The following GTF2F2 variants were observed in gnomAD, a reference collection of about 807,000 sequenced individuals.
GTF2F2 encodes general transcription factor IIF subunit 2, also known as ATP-dependent helicase GTF2F2.
Under a neutral mutation model 42.2 loss-of-function variants are expected in GTF2F2, and 23 were observed. The ratio of observed to expected loss-of-function variants is 0.55; its 90% CI spans 0.39 to 0.77. The LOEUF is 0.77. Ranked by LOEUF, GTF2F2 falls within the 30% of genes least tolerant of loss-of-function variation. The pLI is 0.00. For synonymous variants in GTF2F2, 105 were observed against 100.8 expected, an observed-to-expected ratio of 1.04 and a Z score of -0.25; for missense variants, 261 against 287.2, an observed-to-expected ratio of 0.91 and a Z score of 0.66.
At chr13:45,210,618 T>C (rs1331012163) in intron 5 of GTF2F2, among the ~76,000 whole-genome samples, 4 of 152,232 alleles carry the variant, frequency 2.6e-5, no homozygotes, top group African/African-American at 9.6e-5. Flanking sequence ...CTTTATTTTT[T>C]GTGCATGTCG....
chr13:45,192,866 C>T (rs1872714943), intron 4 of GTF2F2: 1 of 152,094 alleles, frequency 6.6e-6, no homozygotes, highest in Non-Finnish European at 1.5e-5. Flanking sequence ...TGAAAATGAA[C>T]TCCTTTATTA....
chr13:45,148,130 T>C (rs1304928815), intron 2 of GTF2F2, among the ~76,000 whole-genome samples: 1 of 152,162 alleles, frequency 6.6e-6, no homozygotes, highest in East Asian at 1.9e-4. Flanking sequence ...TTAACTGAGC[T>C]AGTGAATGAA....
chr13:45,158,275 T>C (rs1870863176), intron 4 of GTF2F2, among the ~76,000 whole-genome samples: 1 of 152,212 alleles, frequency 6.6e-6, no homozygotes, highest in Non-Finnish European at 1.5e-5. Context: ...ATAAGGGGTT[T>C]CCCCTTTCAC....
intron 5 of GTF2F2, among the ~76,000 whole-genome samples, chr13:45,208,548 C>G (rs1873511255): frequency 6.6e-6 from 1 of 152,148 alleles, no homozygotes; most frequent in Admixed American, 6.5e-5. Flanking sequence ...CGTTCGTGGA[C>G]CTTCCATTGT....
At chr13:45,238,710 C>T (rs945181346) in intron 5 of GTF2F2, among the ~76,000 whole-genome samples, 14 of 151,332 alleles carry the variant, frequency 9.3e-5, no homozygotes, top group Admixed American at 7.9e-4. Flanking sequence ...TTTGGGAGGC[C>T]GAGGCAGGCG....
Position 45,120,543 on chromosome 13 carries a change from C to T in GTF2F2, c.-113C>T, listed in dbSNP as rs1283240717. Reference sequence around the variant, plus strand: ...CCAGTGTTCTGGCAGGTAAGGAACGCCGGCTCTTCGCCTCTCAGCGCGGCT... The same window carrying T: ...CCAGTGTTCTGGCAGGTAAGGAACGTCGGCTCTTCGCCTCTCAGCGCGGCT... On this transcript the variant is annotated 5_prime_UTR_variant, in exon 1 of 8. Transcript: ENST00000340473. 5 of 731,372 alleles carry T rather than the reference C, an allele frequency of 6.8e-6. No individual in the cohort carries two copies. The highest frequency in any genetic ancestry group is 5.4e-5 in the African/African-American group (3 of 56,068). The allele number at this position is 731,372 out of a possible 1,614,324, so 45.3% of individuals were successfully genotyped here.
At chr13:45,156,770 A>G (rs1870776125) in intron 4 of GTF2F2, among the ~76,000 whole-genome samples, 1 of 152,232 alleles carries the variant, frequency 6.6e-6, no homozygotes, top group Non-Finnish European at 1.5e-5. Flanking sequence ...ATTAGAAAAT[A>G]TTCAAAGAAA....
intron 4 of GTF2F2, among the ~76,000 whole-genome samples, chr13:45,178,545 T>C (rs1458466888): frequency 6.6e-6 from 1 of 151,944 alleles, no homozygotes; most frequent in African/African-American, 2.4e-5. Context: ...AGTCAAGGAA[T>C]CTAGTTTCAA....
chr13:45,193,875 A>G (rs1218538931), intron 4 of GTF2F2: 1 of 1,614,170 alleles, frequency 6.2e-7, no homozygotes, highest in East Asian at 2.2e-5. Context: ...CACACTTTAA[A>G]GCCATCATGA....
intron 4 of GTF2F2, among the ~76,000 whole-genome samples, chr13:45,155,088 A>G (rs949778883): frequency 4.6e-5 from 7 of 152,170 alleles, no homozygotes; most frequent in African/African-American, 1.7e-4. Flanking sequence ...TGTTAGATGT[A>G]TGTTGTATAT....
intron 6 of GTF2F2, among the ~76,000 whole-genome samples, chr13:45,261,016 T>C (rs1314215657): frequency 6.6e-6 from 1 of 152,146 alleles, no homozygotes; most frequent in Non-Finnish European, 1.5e-5. Context: ...ATCTCAGCTA[T>C]TCAAGAGGCT....
chr13:45,262,002 C>CAT (rs1184416625), intron 6 of GTF2F2, among the ~76,000 whole-genome samples: 1 of 152,090 alleles, frequency 6.6e-6, no homozygotes, highest in Non-Finnish European at 1.5e-5. Flanking sequence ...GATAATTACA[C>CAT]ATACACTGGA....
At chr13:45,257,115 G>A (rs769558530) in intron 6 of GTF2F2, among the ~76,000 whole-genome samples, 1 of 152,082 alleles carries the variant, frequency 6.6e-6, no homozygotes, top group Non-Finnish European at 1.5e-5. Flanking sequence ...TGTTCTTGGA[G>A]CTATTCTAAG....
chr13:45,120,734 A>G lies in GTF2F2; in HGVS notation c.66+13A>G, dbSNP rs1566105019. 6 of 1,543,600 alleles carry G rather than the reference A, an allele frequency of 3.9e-6. No individual in the cohort carries two copies. In the East Asian group the frequency reaches 7.3e-5, roughly 19 times the overall value. On this transcript the variant is annotated intron_variant, in intron 1 of 7. Transcript: ENST00000340473. ...GTGGCTAGTCAAGGTAATGTTCGCG[A>G]GTCTCCCACTTGCGCTCCTCCTAAC...
chr13:45,170,171 A>C (rs1461378814), intron 4 of GTF2F2, among the ~76,000 whole-genome samples: 7 of 152,120 alleles, frequency 4.6e-5, no homozygotes, highest in Non-Finnish European at 1.0e-4. Context: ...CTACAGGCAT[A>C]TACCACCACA....
At chr13:45,157,066 G>A (rs1870797030) in intron 4 of GTF2F2, among the ~76,000 whole-genome samples, 1 of 152,152 alleles carries the variant, frequency 6.6e-6, no homozygotes, top group Non-Finnish European at 1.5e-5. Context: ...GTATCAGGTT[G>A]GGGGTGGGAC....
In GTF2F2 at chr13:45,120,563, G is replaced by C; in HGVS notation, c.-93G>C. On this transcript the variant is annotated 5_prime_UTR_variant, in exon 1 of 8. Coordinates refer to ENST00000340473, the MANE Select transcript of GTF2F2 (RefSeq NM_004128.3). ...GAACGCCGGCTCTTCGCCTCTCAGC[G>C]CGGCTTGTCCTTTGTTCCGGACGCC... 1 of 864,500 alleles carries C rather than the reference G, an allele frequency of 1.2e-6. No homozygotes were observed. The highest frequency in any genetic ancestry group is 2.7e-5 in the East Asian group (1 of 37,362). 53.6% of individuals were successfully genotyped at this position (864,500 alleles called of 1,614,324 possible). A position where few individuals can be genotyped will look rare whatever the true frequency, so the allele number is the denominator to read the frequency against.
intron 4 of GTF2F2, among the ~76,000 whole-genome samples, chr13:45,177,962 A>G (rs1871965895): frequency 6.6e-6 from 1 of 152,230 alleles, no homozygotes; most frequent in South Asian, 2.1e-4. Flanking sequence ...GTGAGTATAT[A>G]CAAATTTTTT....
At chr13:45,121,836 G>A (rs1356347180) in intron 1 of GTF2F2, among the ~76,000 whole-genome samples, 1 of 152,182 alleles carries the variant, frequency 6.6e-6, no homozygotes, top group East Asian at 1.9e-4. Flanking sequence ...CAAACTCAGT[G>A]TGACTTAAAA....
Sources: allele counts gnomAD v4.1 joint callset (sites outside exome capture counted in the v4.1 genomes callset), GRCh38; gene constraint gnomAD v4.1.1; transcripts MANE v1.5; gene names NCBI Gene and HGNC (gene_info 2026-07-23, HGNC 2026-07-21).